The following PRKD1 variants were observed in gnomAD, a reference collection of about 807,000 sequenced individuals.
The protein encoded by PRKD1 is protein kinase D1.
PRKD1 carries 63 observed loss-of-function variants against 95.9 expected under a neutral mutation model. That is an observed-to-expected ratio of 0.66 (90% CI 0.54 to 0.81). The LOEUF (loss-of-function observed/expected upper bound fraction) is 0.81. PRKD1 is among the 30% of genes least tolerant of loss of function. PRKD1 has a pLI of 0.00. For synonymous variants in PRKD1, 425 were observed against 423.1 expected (o/e 1.00, Z -0.05); for missense variants, 1,048 against 1,165.3 (o/e 0.90, Z 1.47).
chr14:29,920,619 C>T (rs1217526230), intron 1 of PRKD1, among the ~76,000 whole-genome samples: 1 of 151,646 alleles, frequency 6.6e-6, no homozygotes, highest in African/African-American at 2.4e-5. Context: ...CACACACACA[C>T]ACACACAAAG....
chr14:29,647,852 G>T (rs776973593), intron 4 of PRKD1, among the ~76,000 whole-genome samples: 1 of 152,126 alleles, frequency 6.6e-6, no homozygotes. Flanking sequence ...ACTGAGCACC[G>T]GACAAAGAAA....
chr14:29,621,831 T>C lies in PRKD1; in HGVS notation c.1905+2321A>G, dbSNP rs1265134863. On this transcript the variant is annotated intron_variant, in intron 13 of 17. Coordinates refer to ENST00000331968, the MANE Select transcript of PRKD1 (RefSeq NM_002742.3). ...CAAAGAATGATTAGGGGCAGTGGGA[T>C]TGAGTATAAGTAATGGAGATGTTTG... is the stretch of plus-strand genomic sequence containing the variant. Among the ~76,000 whole-genome samples the C allele has an allele frequency of 2.6e-5, 4 of 152,248 alleles. No individual in the cohort carries two copies. In the East Asian group the frequency reaches 5.8e-4, roughly 22 times the overall value.
chr14:29,695,225 AC>A (rs1884446927), intron 2 of PRKD1, among the ~76,000 whole-genome samples: 1 of 136,718 alleles, frequency 7.3e-6, no homozygotes, highest in Non-Finnish European at 1.6e-5. Flanking sequence ...CAAGAGGGAA[AC>A]TCCATCTCAA....
rs45487297 is a variant in PRKD1, at chr14:29,683,913, T to A, written c.404-17705A>T. On this transcript the variant is annotated intron_variant, in intron 2 of 17. Coordinates refer to ENST00000331968, the MANE Select transcript of PRKD1 (RefSeq NM_002742.3). ...GAGTCTGTCCTAGGACATAGTGTTA[T>A]AAATATGGACAGAGCAGAAATGAGC... is the stretch of plus-strand genomic sequence containing the variant. Among the ~76,000 whole-genome samples, 1,202 of 152,362 alleles carry A rather than the reference T, an allele frequency of 7.9e-3. 9 individuals are homozygous for A. The highest frequency in any genetic ancestry group is 0.013 in the Non-Finnish European group (871 of 68,034).
intron 1 of PRKD1, among the ~76,000 whole-genome samples, chr14:29,732,919 T>C (rs1293177974): frequency 9.9e-5 from 15 of 151,556 alleles, no homozygotes; most frequent in Non-Finnish European, 1.6e-4. Context: ...AAGTGTTTTT[T>C]TTTTTTTTCA....
chr14:29,602,299 G>A (rs1478035402), intron 13 of PRKD1, among the ~76,000 whole-genome samples: 3 of 152,120 alleles, frequency 2.0e-5, no homozygotes, highest in Non-Finnish European at 2.9e-5. Flanking sequence ...GAGCTGCACA[G>A]CCTGCTGCTT....
At chr14:29,723,524 G>A (rs1327435951) in intron 2 of PRKD1, among the ~76,000 whole-genome samples, 1 of 152,144 alleles carries the variant, frequency 6.6e-6, no homozygotes, top group Non-Finnish European at 1.5e-5. Flanking sequence ...AATACAAAGG[G>A]GTGGGATGGT....
At chr14:29,593,599 G>A (rs1893203850) in intron 16 of PRKD1, among the ~76,000 whole-genome samples, 2 of 152,154 alleles carry the variant, frequency 1.3e-5, no homozygotes, top group South Asian at 4.1e-4. Context: ...ACAATAAGTA[G>A]CACATAAGCT....
At chr14:29,695,234 CAAA>C (rs34575259) in intron 2 of PRKD1, among the ~76,000 whole-genome samples, 13 of 95,146 alleles carry the variant, frequency 1.4e-4, no homozygotes, top group Admixed American at 3.3e-4. Context: ...AACTCCATCT[CAAA>C]AAAAAAAAAA....
At chr14:29,590,044 G>C (rs1024341375) in intron 16 of PRKD1, among the ~76,000 whole-genome samples, 2 of 152,108 alleles carry the variant, frequency 1.3e-5, no homozygotes, top group Non-Finnish European at 2.9e-5. Context: ...TCAATGATGA[G>C]ATAAGTATAT....
chr14:29,814,397 C>T (rs1890610312), intron 1 of PRKD1, among the ~76,000 whole-genome samples: 1 of 152,174 alleles, frequency 6.6e-6, no homozygotes, highest in African/African-American at 2.4e-5. Flanking sequence ...GGCAGGAGCG[C>T]AGTGCTGGCT....
intron 13 of PRKD1, among the ~76,000 whole-genome samples, chr14:29,612,088 A>G (rs907339141): frequency 2.0e-5 from 3 of 152,200 alleles, no homozygotes; most frequent in African/African-American, 7.2e-5. Flanking sequence ...TGTATTATAT[A>G]CCAGATAATG....
intron 1 of PRKD1, among the ~76,000 whole-genome samples, chr14:29,915,029 G>A (rs930184810): frequency 1.3e-5 from 2 of 152,042 alleles, no homozygotes; most frequent in Non-Finnish European, 2.9e-5. Flanking sequence ...AGCCTGAAAG[G>A]CACTTTTCTT....
chr14:29,892,438 C>CAAAAA (rs201359274), intron 1 of PRKD1, among the ~76,000 whole-genome samples: 1 of 131,650 alleles, frequency 7.6e-6, no homozygotes, highest in Non-Finnish European at 1.7e-5. Flanking sequence ...GCCACCCATA[C>CAAAAA]AAAAAAAAAA....
At chr14:29,750,616 G>GCGCGCGCGCACGCA (rs72239992) in intron 1 of PRKD1, among the ~76,000 whole-genome samples, 1 of 148,482 alleles carries the variant, frequency 6.7e-6, no homozygotes, top group Admixed American at 6.7e-5. Flanking sequence ...ATGAACGCGC[G>GCGCGCGCGCACGCA]CACACACACA....
intron 13 of PRKD1, among the ~76,000 whole-genome samples, chr14:29,601,495 C>T (rs1466322469): frequency 1.3e-5 from 2 of 152,198 alleles, no homozygotes; most frequent in African/African-American, 4.8e-5. Flanking sequence ...CATTGTTCTT[C>T]AAACCGTTGC....
chr14:29,657,816 A>C (rs1004819547), intron 4 of PRKD1: 1 of 152,252 alleles, frequency 6.6e-6, no homozygotes, highest in Non-Finnish European at 1.5e-5. Flanking sequence ...GCAGTGAGCC[A>C]AGATCGCGCC....
chr14:29,824,401 T>C (rs1375308163), intron 1 of PRKD1, among the ~76,000 whole-genome samples: 4 of 152,174 alleles, frequency 2.6e-5, no homozygotes, highest in African/African-American at 9.7e-5. Context: ...ACTTAACTTT[T>C]AACTTTCCCA....
chr14:29,774,996 T>G (rs1377125375), intron 1 of PRKD1, among the ~76,000 whole-genome samples: 2 of 152,160 alleles, frequency 1.3e-5, no homozygotes, highest in African/African-American at 2.4e-5. Context: ...CAATCAGGTA[T>G]AGCAGAAGTC....
Sources: gnomAD v4.1 joint callset for allele counts (sites outside exome capture counted in the v4.1 genomes callset) on GRCh38, gnomAD v4.1.1 for gene constraint, MANE v1.5 for transcripts, NCBI Gene and HGNC (gene_info 2026-07-23, HGNC 2026-07-21) for gene names.